Variants in MICAL3 observed in about 807,000 individuals in gnomAD.
MICAL3 encodes the protein [F-actin]-monooxygenase MICAL3.
Under a neutral mutation model 207.4 loss-of-function variants are expected in MICAL3, and 62 were observed. That is an observed-to-expected ratio of 0.30 (90% confidence interval 0.24 to 0.37). The LOEUF (loss-of-function observed/expected upper bound fraction) is 0.37. Among genes scored for constraint, MICAL3 ranks in the 10% least tolerant of loss-of-function variants. MICAL3 has a pLI of 1.00. For synonymous variants in MICAL3, 1,077 were observed against 1,069.3 expected, an observed-to-expected ratio of 1.01 and a Z score of -0.14; for missense variants, 2,368 against 2,635.6, an observed-to-expected ratio of 0.90 and a Z score of 2.22.
chr22:17,950,342 T>TG (rs1556452330), intron 1 of MICAL3, among the ~76,000 whole-genome samples: 1,434 of 110,474 alleles, frequency 0.013, 29 homozygotes, highest in African/African-American at 0.055. Flanking sequence ...TTTTTGTTTT[T>TG]TTTTTTTTTT....
Position 18,011,937 on chromosome 22 carries a change from T to A in MICAL3, c.-75+12344A>T, listed in dbSNP as rs190230075. Among the ~76,000 whole-genome samples, 1,344 of 150,338 alleles carry A rather than the reference T, an allele frequency of 8.9e-3. 17 individuals carry two copies. The highest frequency in any genetic ancestry group is 0.03 in the African/African-American group (1,236 of 41,098). On this transcript the variant is annotated intron_variant, in intron 1 of 31. Transcript: ENST00000441493. ...AAATAAATAAATAATAAAAAATTTT[T>A]TAAAAAAGAACTTAGAGCAGGGTCT...
chr22:17,907,437 C>T (rs1931819234), intron 1 of MICAL3, among the ~76,000 whole-genome samples: 3 of 152,216 alleles, frequency 2.0e-5, no homozygotes, highest in Admixed American at 2.0e-4. Flanking sequence ...AAAACAGAAG[C>T]ACTCCTTGGT....
intron 19 of MICAL3, among the ~76,000 whole-genome samples, chr22:17,854,648 T>C (rs1925713638): frequency 6.6e-6 from 1 of 152,222 alleles, no homozygotes; most frequent in African/African-American, 2.4e-5. Flanking sequence ...ATGAGCCGCC[T>C]GAACTTTCCC....
At chr22:17,812,186 G>A (rs542066662) in intron 27 of MICAL3, among the ~76,000 whole-genome samples, 69 of 152,366 alleles carry the variant, frequency 4.5e-4, no homozygotes, top group South Asian at 4.3e-3. Flanking sequence ...GTGTTTCAGC[G>A]CTGCACCTTG....
intron 1 of MICAL3, among the ~76,000 whole-genome samples, chr22:17,915,643 C>T (rs796361694): frequency 2.6e-5 from 4 of 152,210 alleles, no homozygotes; most frequent in African/African-American, 9.6e-5. Flanking sequence ...TGCCACAGAA[C>T]CACAAAATAC....
At chr22:18,020,885 G>GCCTGGGTGACAGGGTGAGAC (rs1025625409) in intron 1 of MICAL3, among the ~76,000 whole-genome samples, 10 of 151,186 alleles carry the variant, frequency 6.6e-5, no homozygotes, top group Non-Finnish European at 1.3e-4. Context: ...CTGAACTCCA[G>GCCTGGGTGACAGGGTGAGAC]CCTGGGTGAC....
intron 1 of MICAL3, among the ~76,000 whole-genome samples, chr22:17,954,863 A>C (rs1934536091): frequency 6.6e-6 from 1 of 151,604 alleles, no homozygotes. Context: ...TTCTGGGATT[A>C]CAGGCGGACA....
At chr22:17,875,414 G>A (rs544369350) in intron 16 of MICAL3, 1 of 1,371,176 alleles carries the variant, frequency 7.3e-7, no homozygotes. Context: ...GGCTGCGGAG[G>A]GCAGAGTTTT....
chr22:17,901,415 G>A (rs1425883882), intron 5 of MICAL3, among the ~76,000 whole-genome samples: 1 of 152,192 alleles, frequency 6.6e-6, no homozygotes, highest in Non-Finnish European at 1.5e-5. Flanking sequence ...GTTCACGCCT[G>A]TAATCCCAAC....
intron 27 of MICAL3, among the ~76,000 whole-genome samples, chr22:17,812,144 C>T (rs1487185404): frequency 2.0e-5 from 3 of 152,198 alleles, no homozygotes; most frequent in Non-Finnish European, 4.4e-5. Context: ...CAGAGGGTCC[C>T]CTGAACAGTC....
chr22:17,949,081 G>A (rs1048205229), intron 1 of MICAL3, among the ~76,000 whole-genome samples: 2 of 150,406 alleles, frequency 1.3e-5, no homozygotes, highest in Non-Finnish European at 3.0e-5. Flanking sequence ...ATGGTGGCAT[G>A]TGCCTGTAGT....
At chr22:17,888,547 C>T (rs534053607) in intron 13 of MICAL3, among the ~76,000 whole-genome samples, 3 of 152,126 alleles carry the variant, frequency 2.0e-5, no homozygotes, top group Non-Finnish European at 1.5e-5. Flanking sequence ...CATCGTTCTC[C>T]GGTGCTCAAC....
chr22:17,978,538 G>C lies in MICAL3; in HGVS notation c.-75+45743C>G, dbSNP rs376146906. Among the ~76,000 whole-genome samples the C allele has an allele frequency of 1.5e-3, 218 of 149,856 alleles. 1 individual carries two copies. Among genetic ancestry groups the C allele is most frequent in the South Asian group, 4.0e-3 (19 of 4,702 alleles). ...TACACTTTTTTTTTTTTTTGAGACA[G>C]AGTCTCCCTCTGTCACCCAGGCTGA... On this transcript the variant is annotated intron_variant, in intron 1 of 31. Transcript: ENST00000441493.
At chr22:17,966,151 CCA>C (rs774453300) in intron 1 of MICAL3, among the ~76,000 whole-genome samples, 33 of 152,196 alleles carry the variant, frequency 2.2e-4, no homozygotes, top group South Asian at 4.1e-4. Flanking sequence ...TGCTTGACAA[CCA>C]CACACGTTTC....
intron 1 of MICAL3, among the ~76,000 whole-genome samples, chr22:17,950,606 G>A (rs1266130322): frequency 6.6e-6 from 1 of 152,116 alleles, no homozygotes; most frequent in Non-Finnish European, 1.5e-5. Context: ...CAAAGTGCTG[G>A]GATTACAGGC....
At chr22:17,968,661 C>A (rs1935263272) in intron 1 of MICAL3, among the ~76,000 whole-genome samples, 1 of 152,158 alleles carries the variant, frequency 6.6e-6, no homozygotes, top group Non-Finnish European at 1.5e-5. Flanking sequence ...ACCACAACCA[C>A]TAATGCCCCA....
In MICAL3 at chr22:17,900,756, C is replaced by A; in HGVS notation, c.847+86G>T. On this transcript the variant is annotated intron_variant, in intron 6 of 31. Transcript: ENST00000441493. The surrounding 1 kb of genome is among the most constrained non-coding windows in gnomAD (Gnocchi z 4.0). ...GACAGTGCAGGAGGGACACCGACGG[C>A]CACTCACCCCACCAATCCCCCAAGA... 1 of 1,224,174 alleles carries A rather than the reference C, an allele frequency of 8.2e-7. No individual in the cohort carries two copies. The highest frequency in any genetic ancestry group is 1.2e-6 in the Non-Finnish European group (1 of 845,136). 75.8% of individuals were successfully genotyped at this position (1,224,174 alleles called of 1,614,324 possible).
chr22:17,863,748 A>G (rs1294241558), intron 19 of MICAL3: 17 of 985,312 alleles, frequency 1.7e-5, no homozygotes, highest in Middle Eastern at 1.0e-3. Context: ...CAAGGCCTAC[A>G]TGAACCAGCT....
chr22:17,884,295 G>GGCCT lies in MICAL3; in HGVS notation c.2241+1582_2241+1583insAGGC, dbSNP rs751935191. 5 of 1,591,204 alleles carry GGCCT rather than the reference G, an allele frequency of 3.1e-6. No homozygotes were observed. The Admixed American group carries it at 8.9e-5, about 28-fold the overall frequency. On this transcript the variant is annotated intron_variant, in intron 16 of 31. Transcript: ENST00000441493. ...TTTACCTGTTTCCACCGGGGGGTGGGGGCAGGGCGAACCTGCCCAGGCAGG... is the reference window on the plus strand; with the variant it reads ...TTTACCTGTTTCCACCGGGGGGTGGGGCCTGGCAGGGCGAACCTGCCCAGGCAGG...
Sources: allele counts gnomAD v4.1 joint callset (sites outside exome capture counted in the v4.1 genomes callset), GRCh38; gene constraint gnomAD v4.1.1; non-coding constraint Gnocchi (gnomAD v3.1); transcripts MANE v1.5; gene names NCBI Gene and HGNC (gene_info 2026-07-23, HGNC 2026-07-21).